The following LMX1A variants were observed in gnomAD, a reference collection of about 807,000 sequenced individuals.
LMX1A encodes the protein LIM homeobox transcription factor 1-alpha.
A neutral mutation model predicts 49.1 loss-of-function variants in LMX1A; 15 were observed. That is an observed-to-expected ratio of 0.31 (90% CI 0.20 to 0.47). LMX1A has a LOEUF of 0.47. LMX1A is among the 20% of genes least tolerant of loss of function. The pLI, the probability that LMX1A is intolerant of heterozygous loss-of-function variation, is 1.00. For synonymous variants in LMX1A, 167 were observed against 185.7 expected (o/e 0.90, Z 0.82); for missense variants, 372 against 475.8 (o/e 0.78, Z 2.03).
intron 3 of LMX1A, among the ~76,000 whole-genome samples, chr1:165,261,130 C>T (rs535926513): frequency 2.0e-4 from 30 of 152,320 alleles, no homozygotes; most frequent in Non-Finnish European, 4.0e-4. Context: ...GCCTCTTTAT[C>T]ACAGAACTAT....
chr1:165,208,197 G>A (rs1191301486), intron 6 of LMX1A, 65 bp from the exon 7 acceptor site: 4 of 1,489,958 alleles, frequency 2.7e-6, no homozygotes, highest in Non-Finnish European at 2.8e-6. Flanking sequence ...AAAGTAAGGG[G>A]GGGCCTGGAA....
chr1:165,311,863 C>T (rs903370328), intron 3 of LMX1A, among the ~76,000 whole-genome samples: 4 of 152,116 alleles, frequency 2.6e-5, no homozygotes, highest in African/African-American at 4.8e-5. Context: ...TGTGATGTGC[C>T]GTTCACGATG....
intron 3 of LMX1A, among the ~76,000 whole-genome samples, chr1:165,336,207 G>A (rs544174390): frequency 2.7e-5 from 4 of 147,618 alleles, no homozygotes; most frequent in African/African-American, 9.8e-5. Context: ...GTGGGGTGGG[G>A]TTTGGGGTTA....
chr1:165,354,979 C>A (rs1043499220), intron 2 of LMX1A, among the ~76,000 whole-genome samples: 2 of 152,154 alleles, frequency 1.3e-5, no homozygotes, highest in Non-Finnish European at 2.9e-5. Flanking sequence ...CCCAGCCGCG[C>A]GGTCTAATCC....
In LMX1A at chr1:165,270,794, G is replaced by A. The variant is rs138346890; in HGVS notation, c.264-21154C>T. ...TGGGAAGAATATTCTGTTAGGACCA[G>A]CACACAGGACAGATGGGAAAGAATC... is the stretch of plus-strand genomic sequence containing the variant. On this transcript the variant is annotated intron_variant, in intron 3 of 8. Coordinates refer to ENST00000342310, the MANE Select transcript of LMX1A (RefSeq NM_177398.4). Among the ~76,000 whole-genome samples, 4 of 152,300 alleles carry A rather than the reference G, an allele frequency of 2.6e-5. No individual in the cohort carries two copies. In the East Asian group the frequency reaches 7.7e-4, roughly 29 times the overall value.
intron 4 of LMX1A, among the ~76,000 whole-genome samples, chr1:165,217,348 A>C (rs1481118505): frequency 6.6e-6 from 1 of 152,148 alleles, no homozygotes; most frequent in Non-Finnish European, 1.5e-5. Context: ...ACATGTGTAC[A>C]TCCCCCAAAG....
At chr1:165,219,409 G>C (rs1006912456) in intron 4 of LMX1A, among the ~76,000 whole-genome samples, 1 of 152,100 alleles carries the variant, frequency 6.6e-6, no homozygotes, top group Non-Finnish European at 1.5e-5. Flanking sequence ...TTTTAGACAG[G>C]GGGAGTAGAG....
intron 3 of LMX1A, among the ~76,000 whole-genome samples, chr1:165,340,649 T>C (rs6666187): frequency 0.8 from 121,048 of 152,142 alleles, 48,536 homozygotes; most frequent in Middle Eastern, 0.91. Context: ...AAGCTTTGTG[T>C]CCTGGCTAGT....
intron 4 of LMX1A, among the ~76,000 whole-genome samples, chr1:165,226,155 C>A (rs569537990): frequency 2.0e-5 from 3 of 152,284 alleles, no homozygotes; most frequent in Non-Finnish European, 4.4e-5. Flanking sequence ...GGGAAGTACA[C>A]CACCAAGCAC....
chr1:165,355,437 C>A lies in LMX1A; in HGVS notation c.76+47G>T. The A allele has an allele frequency of 6.3e-7, 1 of 1,595,134 alleles. No homozygotes were observed. The highest frequency in any genetic ancestry group is 1.1e-5 in the South Asian group (1 of 89,872). Reference sequence around the variant, plus strand: ...GAGAGCGGGGCTCCAGAGCTCAGCGCCAAGCGGAAAGAGAGTGCGCCCAGG... The same window carrying A: ...GAGAGCGGGGCTCCAGAGCTCAGCGACAAGCGGAAAGAGAGTGCGCCCAGG... On this transcript the variant is annotated intron_variant, in intron 2 of 8. Coordinates refer to ENST00000342310, the MANE Select transcript of LMX1A (RefSeq NM_177398.4). The surrounding 1 kb of genome is among the most constrained non-coding windows in gnomAD (Gnocchi z 4.7).
In LMX1A at chr1:165,204,051, G is replaced by C. The variant is rs778889045; in HGVS notation, c.989-11C>G. 6.2e-7 allele frequency: 1 copy of C among 1,613,526 alleles called. No homozygotes were observed. The highest frequency in any genetic ancestry group is 1.7e-5 in the Admixed American group (1 of 59,990). The stretch of plus-strand genomic sequence containing the variant: ...AAAGGGGCTCGGCACCTGAAATGGA[G>C]ATGAAACACTGGCATGAGGGTCTTG... On this transcript the variant is annotated splice_polypyrimidine_tract_variant and intron_variant, in intron 8 of 8. Transcript: ENST00000342310.
chr1:165,294,770 C>A (rs1290728780), intron 3 of LMX1A, among the ~76,000 whole-genome samples: 2 of 152,140 alleles, frequency 1.3e-5, no homozygotes, highest in East Asian at 3.9e-4. Flanking sequence ...TCGAGAACAG[C>A]CTGGCAAACA....
chr1:165,242,264 G>A (rs1173387600), intron 4 of LMX1A, among the ~76,000 whole-genome samples: 4 of 152,262 alleles, frequency 2.6e-5, no homozygotes, highest in Middle Eastern at 3.4e-3. Flanking sequence ...GAACTGCTGC[G>A]TTAATCCAAA....
rs562020842 is a variant in LMX1A, at chr1:165,305,161, G to C, written c.263+47915C>G. On this transcript the variant is annotated intron_variant, in intron 3 of 8. Coordinates refer to ENST00000342310, the MANE Select transcript of LMX1A (RefSeq NM_177398.4). Reference sequence around the variant, plus strand: ...GTAGGTGCTAGTGAAAGGAAACACAGAAAGGAAGGTGAGAGACATGTGCAG... The same window carrying C: ...GTAGGTGCTAGTGAAAGGAAACACACAAAGGAAGGTGAGAGACATGTGCAG... Among the ~76,000 whole-genome samples, 58 of 152,298 alleles carry C rather than the reference G, an allele frequency of 3.8e-4. 1 individual carries two copies. Among genetic ancestry groups the C allele is most frequent in the Admixed American group, 2.3e-3 (35 of 15,294 alleles).
chr1:165,347,990 A>G (rs1656299658), intron 3 of LMX1A, among the ~76,000 whole-genome samples: 1 of 127,260 alleles, frequency 7.9e-6, no homozygotes, highest in Admixed American at 8.6e-5. Context: ...AAAAAGCAAC[A>G]ATCAAGAGGC....
chr1:165,326,062 G>C (rs1005281336), intron 3 of LMX1A, among the ~76,000 whole-genome samples: 2 of 151,960 alleles, frequency 1.3e-5, no homozygotes, highest in Non-Finnish European at 2.9e-5. Context: ...GCAGCCCCTG[G>C]TCCCTTCAGG....
intron 3 of LMX1A, among the ~76,000 whole-genome samples, chr1:165,309,968 T>A (rs1655029140): frequency 6.6e-6 from 1 of 152,174 alleles, no homozygotes; most frequent in Non-Finnish European, 1.5e-5. Flanking sequence ...GCACAAATAT[T>A]CTCCTCATTT....
chr1:165,224,292 G>A (rs1308810463), intron 4 of LMX1A, among the ~76,000 whole-genome samples: 1 of 152,130 alleles, frequency 6.6e-6, no homozygotes, highest in Non-Finnish European at 1.5e-5. Flanking sequence ...CTGGAACCAT[G>A]AGCCAATCAA....
At chr1:165,293,137 CAA>C (rs992864824) in intron 3 of LMX1A, among the ~76,000 whole-genome samples, 1 of 149,470 alleles carries the variant, frequency 6.7e-6, no homozygotes, top group Non-Finnish European at 1.5e-5. Context: ...CAAAACAAAA[CAA>C]AACAAAAAAA....
Sources: allele counts gnomAD v4.1 joint callset (sites outside exome capture counted in the v4.1 genomes callset), GRCh38; gene constraint gnomAD v4.1.1; non-coding constraint Gnocchi (gnomAD v3.1); transcripts MANE v1.5; gene names NCBI Gene and HGNC (gene_info 2026-07-23, HGNC 2026-07-21).